KATNAL2: variants seen among roughly 807,000 people sequenced by gnomAD.
KATNAL2 encodes the protein katanin p60 ATPase-containing subunit A-like 2.
In KATNAL2, 52 loss-of-function variants were observed where a neutral mutation model predicts 76.3. The ratio of observed to expected loss-of-function variants is 0.68; its 90% CI spans 0.55 to 0.86. KATNAL2 has a LOEUF of 0.86. Ranked by LOEUF, KATNAL2 falls within the 40% of genes least tolerant of loss-of-function variation. The pLI is 0.00. For synonymous variants in KATNAL2, 243 were observed against 244.2 expected, an observed-to-expected ratio of 1.00 and a Z score of 0.05; for missense variants, 660 against 668.9, an observed-to-expected ratio of 0.99 and a Z score of 0.15.
At chr18:47,034,474 C>G (rs1359072930) in intron 3 of KATNAL2, 1 of 1,614,004 alleles carries the variant, frequency 6.2e-7, no homozygotes, top group African/African-American at 1.3e-5. Flanking sequence ...GGAGGGCATC[C>G]TTGGGGTTTC....
At chr18:47,082,334 A>G (rs1490483545) in intron 15 of KATNAL2, among the ~76,000 whole-genome samples, 1 of 152,170 alleles carries the variant, frequency 6.6e-6, no homozygotes, top group East Asian at 1.9e-4. Context: ...AGCAGTTGTG[A>G]CAACCAAAAT....
At chr18:47,076,579 C>T (rs1163182510) in intron 14 of KATNAL2, 1 of 152,136 alleles carries the variant, frequency 6.6e-6, no homozygotes, top group Admixed American at 6.6e-5. Context: ...CTTGTGTGTG[C>T]TCCAGGTTCT....
At chr18:47,052,731 C>T (rs955525312) in intron 4 of KATNAL2, 149 bp from the exon 5 acceptor site, 6 of 486,028 alleles carry the variant, frequency 1.2e-5, no homozygotes, top group Admixed American at 4.2e-5. Flanking sequence ...TCTTTATAGG[C>T]AAACCTCCTA....
At chr18:47,060,732 T>TC (rs2147140516) in intron 8 of KATNAL2, among the ~76,000 whole-genome samples, 1 of 152,238 alleles carries the variant, frequency 6.6e-6, no homozygotes, top group Non-Finnish European at 1.5e-5. Context: ...CTGGAGCATA[T>TC]CCCTGAAAAT....
At chr18:46,924,927 G>C (rs1232049413) in intron 1 of KATNAL2, among the ~76,000 whole-genome samples, 1 of 152,178 alleles carries the variant, frequency 6.6e-6, no homozygotes, top group Non-Finnish European at 1.5e-5. Flanking sequence ...TTTGTACATT[G>C]ATTTTGTATC....
At chr18:47,097,147 T>C (rs1180797005) in intron 15 of KATNAL2, among the ~76,000 whole-genome samples, 2 of 139,836 alleles carry the variant, frequency 1.4e-5, no homozygotes, top group African/African-American at 5.2e-5. Context: ...AAAATCCAAC[T>C]CTGTGTGTGT....
intron 15 of KATNAL2, among the ~76,000 whole-genome samples, chr18:47,095,710 A>C (rs1827988331): frequency 6.6e-6 from 1 of 152,248 alleles, no homozygotes; most frequent in Admixed American, 6.5e-5. Context: ...GCTTATATGC[A>C]GGAGTGATAT....
At chr18:47,093,739 G>C (rs1054433252) in intron 15 of KATNAL2, among the ~76,000 whole-genome samples, 1 of 152,044 alleles carries the variant, frequency 6.6e-6, no homozygotes, top group Non-Finnish European at 1.5e-5. Context: ...TCGAACTCCT[G>C]GGCTCAAGTG....
rs780999619 is a variant in KATNAL2 at position 46,947,898 on chromosome 18, A to C, written c.51+975A>C. 2.8e-4 allele frequency among the ~76,000 whole-genome samples: 43 copies of C among 152,244 alleles called. 1 individual carries two copies. Among genetic ancestry groups the C allele is most frequent in the South Asian group, 2.1e-4 (1 of 4,816 alleles). On this transcript the variant is annotated intron_variant, in intron 3 of 17. Transcript: ENST00000683218. ...TGCTAATTCCTCACCTCCGGATTGT[A>C]CTTAAGCCTATTTTAATCTCAGCAT...
chr18:47,047,325 T>C (rs1165095399), intron 4 of KATNAL2, among the ~76,000 whole-genome samples: 6 of 152,242 alleles, frequency 3.9e-5, no homozygotes, highest in African/African-American at 1.4e-4. Context: ...TTTCCTTTCC[T>C]CTACACATTT....
At chr18:47,065,675 G>A (rs1221399605) in intron 10 of KATNAL2, among the ~76,000 whole-genome samples, 1 of 151,214 alleles carries the variant, frequency 6.6e-6, no homozygotes, top group African/African-American at 2.4e-5. Flanking sequence ...AAACAAACAA[G>A]AACTTTCTCT....
chr18:47,068,474 T>C (rs1898397346), intron 11 of KATNAL2, among the ~76,000 whole-genome samples: 1 of 152,196 alleles, frequency 6.6e-6, no homozygotes, highest in South Asian at 2.1e-4. Flanking sequence ...TATAAAACTT[T>C]TAAAAAGGAT....
At chr18:46,931,137 A>AATC (rs2058903866) in intron 1 of KATNAL2, among the ~76,000 whole-genome samples, 1 of 139,312 alleles carries the variant, frequency 7.2e-6, no homozygotes, top group Non-Finnish European at 1.5e-5. Flanking sequence ...TAATAATAAT[A>AATC]ATAAATAAAT....
At chr18:47,080,208 G>T (rs985688019) in intron 15 of KATNAL2, among the ~76,000 whole-genome samples, 2 of 152,088 alleles carry the variant, frequency 1.3e-5, no homozygotes, top group Non-Finnish European at 2.9e-5. Context: ...GTGACCTTCA[G>T]TGGCAACCAA....
chr18:47,098,068 A>G (rs1460979830), intron 15 of KATNAL2: 2 of 157,556 alleles, frequency 1.3e-5, no homozygotes, highest in African/African-American at 4.8e-5. Flanking sequence ...ATTTAGCAAG[A>G]ATAGGTAGAT....
intron 3 of KATNAL2, among the ~76,000 whole-genome samples, chr18:46,949,902 T>A (rs1357317921): frequency 6.6e-6 from 1 of 152,214 alleles, no homozygotes; most frequent in African/African-American, 2.4e-5. Context: ...ATGATCAGGG[T>A]GATTTTCTTA....
chr18:46,960,163 A>T (rs1340130483), intron 3 of KATNAL2, among the ~76,000 whole-genome samples: 1 of 152,192 alleles, frequency 6.6e-6, no homozygotes, highest in Non-Finnish European at 1.5e-5. Flanking sequence ...GCGGCTGGGC[A>T]CTGTGGCTCA....
rs181486752 is a variant in KATNAL2, at chr18:46,920,143, T to C, written c.-510+2217T>C. ...CAGCTCCTGGATGGGTTGGGTAGGT[T>C]TGACTGCAAAGAGTTCTAGGTGCTG... On this transcript the variant is annotated intron_variant, in intron 1 of 17. Coordinates refer to ENST00000683218, the MANE Select transcript of KATNAL2 (RefSeq NM_001387690.1). 54 of 1,221,068 alleles carry C rather than the reference T, an allele frequency of 4.4e-5. 1 individual carries two copies. In the East Asian group the frequency reaches 2.1e-3, roughly 49 times the overall value. 75.6% of individuals were successfully genotyped at this position (1,221,068 alleles called of 1,614,324 possible).
At chr18:46,967,359 G>A (rs2060162884) in intron 3 of KATNAL2, among the ~76,000 whole-genome samples, 1 of 119,714 alleles carries the variant, frequency 8.4e-6, no homozygotes, top group African/African-American at 3.2e-5. Context: ...GACAGCCAAG[G>A]GCACAGGACT....
Sources: gnomAD v4.1 joint callset for allele counts (sites outside exome capture counted in the v4.1 genomes callset) on GRCh38, gnomAD v4.1.1 for gene constraint, MANE v1.5 for transcripts, NCBI Gene and HGNC (gene_info 2026-07-23, HGNC 2026-07-21) for gene names.